Variants in GRIP1 observed in about 807,000 individuals in gnomAD.
GRIP1 encodes the protein glutamate receptor interacting protein 1, also known as glutamate receptor-interacting protein 1.
Under a neutral mutation model 129.9 loss-of-function variants are expected in GRIP1, and 45 were observed. That is an observed-to-expected ratio of 0.35 (90% CI 0.27 to 0.44). The LOEUF (loss-of-function observed/expected upper bound fraction) is 0.44, where lower values mean the gene tolerates loss of function less well. Ranked by LOEUF, GRIP1 falls within the 20% of genes least tolerant of loss-of-function variation. GRIP1 has a pLI of 1.00. For missense variants in GRIP1, 1,196 were observed against 1,396.8 expected, an observed-to-expected ratio of 0.86 and a Z score of 2.29; for synonymous variants, 530 against 520.8, an observed-to-expected ratio of 1.02 and a Z score of -0.24.
intron 2 of GRIP1, among the ~76,000 whole-genome samples, chr12:66,545,011 T>G (rs571345851): frequency 6.6e-6 from 1 of 152,202 alleles, no homozygotes; most frequent in African/African-American, 2.4e-5. Flanking sequence ...CTTTTGTGAT[T>G]TAAATTGCAA....
intron 1 of GRIP1, among the ~76,000 whole-genome samples, chr12:66,874,163 T>C (rs916933217): frequency 1.3e-5 from 2 of 152,112 alleles, no homozygotes; most frequent in African/African-American, 4.8e-5. Context: ...GAGCTATTAG[T>C]CAAAGTACCA....
intron 13 of GRIP1, among the ~76,000 whole-genome samples, chr12:66,437,581 A>G (rs1592864672): frequency 1.3e-5 from 2 of 152,346 alleles, no homozygotes; most frequent in Admixed American, 1.3e-4. Flanking sequence ...AGTGGGTTTA[A>G]CAGACACAGT....
chr12:66,853,330 T>A (rs1188298990), intron 1 of GRIP1, among the ~76,000 whole-genome samples: 1 of 151,948 alleles, frequency 6.6e-6, no homozygotes, highest in Non-Finnish European at 1.5e-5. Flanking sequence ...CAGCCAGTGA[T>A]GCATTAGATA....
At chr12:66,355,458 C>T (rs2054442219) in intron 23 of GRIP1, among the ~76,000 whole-genome samples, 1 of 152,170 alleles carries the variant, frequency 6.6e-6, no homozygotes. Context: ...AGTCTGCCCT[C>T]ACTTATACAG....
intron 1 of GRIP1, among the ~76,000 whole-genome samples, chr12:66,822,175 T>C (rs2039332840): frequency 6.6e-6 from 1 of 152,262 alleles, no homozygotes; most frequent in African/African-American, 2.4e-5. Context: ...GCAACACACG[T>C]AGAAGCAGAA....
rs1566054615 is a variant in GRIP1, at chr12:66,859,281, AAACAAAAAAACAAAAAAAC to A, written c.58+209750_58+209768del. ...TCTGAAAAAAAACAAAAAAACAAAA[AAACAAAAAAACAAAAAAAC>A]AAAAAAAAACCAGTATTAGCCATCA... On this transcript the variant is annotated intron_variant, in intron 1 of 1. Coordinates refer to the GRIP1 transcript ENST00000643019. 1.6e-3 allele frequency among the ~76,000 whole-genome samples: 21 copies of A among 13,436 alleles called. 3 individuals carry two copies. The highest frequency in any genetic ancestry group is 2.5e-3 in the African/African-American group (19 of 7,548). The allele number at this position is 13,436 out of a possible 152,430, so 8.8% of individuals were successfully genotyped here.
At chr12:66,728,826 A>G (rs1340915387) in intron 1 of GRIP1, among the ~76,000 whole-genome samples, 1 of 152,160 alleles carries the variant, frequency 6.6e-6, no homozygotes, top group African/African-American at 2.4e-5. Flanking sequence ...TTTGAGATCT[A>G]AACAAAACAC....
rs114680799 is a variant in GRIP1, at chr12:66,968,535, T to G, written c.58+100515A>C. On this transcript the variant is annotated intron_variant, in intron 1 of 1. Coordinates refer to the GRIP1 transcript ENST00000643019. ...CTCAATTATATTTCTTTTAACTTTT[T>G]TAGTGGTGGTTCTAGAGTTTGCAAT... 4.2e-3 allele frequency among the ~76,000 whole-genome samples: 635 copies of G among 152,310 alleles called. 4 individuals carry two copies. The highest frequency in any genetic ancestry group is 0.015 in the African/African-American group (617 of 41,582).
chr12:66,935,348 C>G (rs2137422939), intron 1 of GRIP1, among the ~76,000 whole-genome samples: 1 of 152,178 alleles, frequency 6.6e-6, no homozygotes, highest in African/African-American at 2.4e-5. Flanking sequence ...TCTCAGACCA[C>G]ACGTAGGTTC....
At chr12:66,604,546 C>G (rs1295481255) in intron 1 of GRIP1, among the ~76,000 whole-genome samples, 1 of 152,180 alleles carries the variant, frequency 6.6e-6, no homozygotes, top group Admixed American at 6.5e-5. Context: ...ACATTAAAAT[C>G]TTAAATTCAG....
chr12:66,793,875 G>C (rs987513846), intron 1 of GRIP1, among the ~76,000 whole-genome samples: 10 of 152,118 alleles, frequency 6.6e-5, no homozygotes, highest in Non-Finnish European at 1.0e-4. Flanking sequence ...AGTTTTATCT[G>C]GAAAATAAAG....
chr12:66,765,609 G>GCTT (rs1294437223), intron 1 of GRIP1, among the ~76,000 whole-genome samples: 5 of 152,278 alleles, frequency 3.3e-5, no homozygotes, highest in Admixed American at 1.3e-4. Flanking sequence ...CCCTCTCCTT[G>GCTT]CTTCACACTC....
intron 2 of GRIP1, among the ~76,000 whole-genome samples, chr12:66,580,488 T>C (rs1400796490): frequency 6.6e-5 from 10 of 152,158 alleles, no homozygotes; most frequent in Non-Finnish European, 1.5e-5. Flanking sequence ...TCAAGACCCA[T>C]CAGTGTGTTG....
chr12:66,578,693 C>T (rs188664943), intron 2 of GRIP1, among the ~76,000 whole-genome samples: 6,680 of 151,740 alleles, frequency 0.044, 196 homozygotes, highest in Non-Finnish European at 0.061. Flanking sequence ...AAGGTGGCAG[C>T]GAGGCTGGGG....
chr12:66,726,022 T>C (rs1026822873), intron 1 of GRIP1, among the ~76,000 whole-genome samples: 5 of 152,186 alleles, frequency 3.3e-5, no homozygotes, highest in Admixed American at 1.3e-4. Flanking sequence ...TTTCAGCCCA[T>C]GCCATCTCTA....
intron 11 of GRIP1, among the ~76,000 whole-genome samples, chr12:66,451,398 T>TTG (rs2058798917): frequency 9.7e-6 from 1 of 103,218 alleles, no homozygotes; most frequent in Non-Finnish European, 1.9e-5. Context: ...TTTTTTTTTT[T>TTG]TTTTTTTTTT....
intron 1 of GRIP1, among the ~76,000 whole-genome samples, chr12:67,045,783 T>A (rs1241690873): frequency 6.6e-6 from 1 of 152,220 alleles, no homozygotes; most frequent in Non-Finnish European, 1.5e-5. Context: ...TCAAACTGAC[T>A]TAAGTGTTTT....
chr12:66,782,419 G>A (rs566511382), intron 1 of GRIP1, among the ~76,000 whole-genome samples: 127 of 152,244 alleles, frequency 8.3e-4, no homozygotes, highest in African/African-American at 3.0e-3. Flanking sequence ...AGTTCCTGGG[G>A]AAATAGAAGT....
At chr12:67,030,420 G>A (rs1029342731) in intron 1 of GRIP1, among the ~76,000 whole-genome samples, 3 of 151,850 alleles carry the variant, frequency 2.0e-5, no homozygotes, top group Admixed American at 6.6e-5. Context: ...ATCTCTCTGC[G>A]GCAACATAAC....
Sources: allele counts gnomAD v4.1 joint callset (sites outside exome capture counted in the v4.1 genomes callset), GRCh38; gene constraint gnomAD v4.1.1; transcripts MANE v1.5; gene names NCBI Gene and HGNC (gene_info 2026-07-23, HGNC 2026-07-21).